Variants in FGGY observed in about 807,000 individuals in gnomAD.
The protein encoded by FGGY is FGGY carbohydrate kinase domain containing.
Under a neutral mutation model 71.3 loss-of-function variants are expected in FGGY, and 72 were observed. That is an observed-to-expected ratio of 1.01 (90% CI 0.84 to 1.23). The LOEUF is 1.23. FGGY is among the 50% of genes most tolerant of loss of function. FGGY has a pLI of 0.00. For synonymous variants in FGGY, 251 were observed against 250.3 expected (o/e 1.00, Z -0.02); for missense variants, 668 against 682.3 (o/e 0.98, Z 0.23).
chr1:59,317,605 G>C (rs1457370670), intron 1 of FGGY, among the ~76,000 whole-genome samples: 2 of 152,186 alleles, frequency 1.3e-5, no homozygotes, highest in East Asian at 3.9e-4. Flanking sequence ...GGGCATAGAG[G>C]GGGAAGAGCA....
At chr1:59,382,449 C>G (rs113993319) in intron 5 of FGGY, among the ~76,000 whole-genome samples, 253 of 152,276 alleles carry the variant, frequency 1.7e-3, no homozygotes, top group Middle Eastern at 6.8e-3. Flanking sequence ...CTGCAAACCT[C>G]AGGTACATGC....
At chr1:59,520,777 G>A (rs2094804001) in intron 7 of FGGY, among the ~76,000 whole-genome samples, 1 of 152,166 alleles carries the variant, frequency 6.6e-6, no homozygotes, top group African/African-American at 2.4e-5. Context: ...GAGGATGCCT[G>A]GAATCTTGTT....
chr1:59,339,878 C>T (rs2153198788), intron 2 of FGGY, 80 bp from the exon 3 acceptor site: 1 of 766,430 alleles, frequency 1.3e-6, no homozygotes, highest in Non-Finnish European at 2.1e-6. Flanking sequence ...TTCTGTCATT[C>T]CTTCCTTCTA....
chr1:59,501,503 A>G (rs1296320867), intron 6 of FGGY, among the ~76,000 whole-genome samples: 3 of 152,118 alleles, frequency 2.0e-5, no homozygotes, highest in Middle Eastern at 3.2e-3. Context: ...AAGTATTTTC[A>G]TGTATTTCCC....
intron 6 of FGGY, among the ~76,000 whole-genome samples, chr1:59,499,824 A>G (rs2094168925): frequency 6.6e-6 from 1 of 152,324 alleles, no homozygotes; most frequent in Admixed American, 6.5e-5. Flanking sequence ...CATAGCTGCT[A>G]TTAAAGTACA....
At chr1:59,551,333 A>G (rs2095604817) in intron 7 of FGGY, among the ~76,000 whole-genome samples, 1 of 152,218 alleles carries the variant, frequency 6.6e-6, no homozygotes, top group Admixed American at 6.5e-5. Flanking sequence ...CCCAAGAAGA[A>G]ACAAATAAAT....
At chr1:59,595,843 C>G (rs996866534) in intron 8 of FGGY, among the ~76,000 whole-genome samples, 1 of 152,162 alleles carries the variant, frequency 6.6e-6, no homozygotes, top group African/African-American at 2.4e-5. Flanking sequence ...GCCCCAGATA[C>G]AGGTTCATAC....
chr1:59,391,977 G>A (rs2060750943), intron 5 of FGGY, among the ~76,000 whole-genome samples: 1 of 152,082 alleles, frequency 6.6e-6, no homozygotes, highest in African/African-American at 2.4e-5. Context: ...TCGTGTTTCA[G>A]GGAACAGAAC....
intron 7 of FGGY, among the ~76,000 whole-genome samples, chr1:59,516,890 C>T (rs2094669240): frequency 6.6e-6 from 1 of 152,064 alleles, no homozygotes; most frequent in African/African-American, 2.4e-5. Context: ...ACTTTCATTC[C>T]CAAGGGAGGC....
intron 7 of FGGY, among the ~76,000 whole-genome samples, chr1:59,530,321 CT>C (rs2095106624): frequency 6.6e-6 from 1 of 152,176 alleles, no homozygotes; most frequent in Non-Finnish European, 1.5e-5. Context: ...TAATAGCTGA[CT>C]ATGCAAAAAT....
At chr1:59,615,620 G>T (rs1376264425) in intron 9 of FGGY, among the ~76,000 whole-genome samples, 1 of 152,064 alleles carries the variant, frequency 6.6e-6, no homozygotes, top group Admixed American at 6.6e-5. Flanking sequence ...CAAAAGCAAC[G>T]GCAACAAAAG....
At chr1:59,597,560 C>G (rs1490701653) in intron 8 of FGGY, among the ~76,000 whole-genome samples, 1 of 152,152 alleles carries the variant, frequency 6.6e-6, no homozygotes, top group Non-Finnish European at 1.5e-5. Flanking sequence ...GAAACTCACC[C>G]TGGCTTGTAT....
chr1:59,607,755 T>A, intron 8 of FGGY, 48 bp from the exon 9 acceptor site: 1 of 1,461,160 alleles, frequency 6.8e-7, no homozygotes, highest in Non-Finnish European at 9.6e-7. Context: ...ACCCTTCCCC[T>A]ACCCCTGAGA....
chr1:59,625,507 C>A (rs1344039617), intron 9 of FGGY, among the ~76,000 whole-genome samples: 1 of 151,726 alleles, frequency 6.6e-6, no homozygotes. Context: ...AGGGTTTTTT[C>A]AAAAACCCTC....
chr1:59,683,298 T>C (rs568022962), intron 14 of FGGY, among the ~76,000 whole-genome samples: 1 of 152,312 alleles, frequency 6.6e-6, no homozygotes, highest in East Asian at 1.9e-4. Context: ...CAAATTCAGA[T>C]CTTACTCCAA....
chr1:59,520,333 G>A (rs986219158), intron 7 of FGGY, among the ~76,000 whole-genome samples: 3 of 152,194 alleles, frequency 2.0e-5, no homozygotes, highest in African/African-American at 7.2e-5. Context: ...GGGAGGACAG[G>A]ATGGTTTCTA....
chr1:59,422,055 A>G (rs2065530876), intron 5 of FGGY, among the ~76,000 whole-genome samples: 1 of 152,188 alleles, frequency 6.6e-6, no homozygotes, highest in Non-Finnish European at 1.5e-5. Context: ...AAGAGATTAG[A>G]TCACTGGATC....
intron 11 of FGGY, among the ~76,000 whole-genome samples, chr1:59,653,148 C>T (rs990303204): frequency 1.3e-5 from 2 of 152,210 alleles, no homozygotes; most frequent in African/African-American, 4.8e-5. Context: ...AACCACTGCT[C>T]TCTTCAAAGC....
rs186351721 is a variant in FGGY, at chr1:59,616,553, G to A, written c.1011+8643G>A. 1.0e-3 allele frequency among the ~76,000 whole-genome samples: 152 copies of A among 152,078 alleles called. 1 individual carries two copies. Among genetic ancestry groups the A allele is most frequent in the African/African-American group, 3.3e-3 (138 of 41,462 alleles). ...ATTAAATGACGAGTTAATGGGTGCC[G>A]CACACCAATATGGCACATGTATACA... On this transcript the variant is annotated intron_variant, in intron 9 of 15. Transcript: ENST00000303721.
Sources: allele counts gnomAD v4.1 joint callset (sites outside exome capture counted in the v4.1 genomes callset), GRCh38; gene constraint gnomAD v4.1.1; transcripts MANE v1.5; gene names NCBI Gene and HGNC (gene_info 2026-07-23, HGNC 2026-07-21).